The following TASOR variants were observed in gnomAD, a reference collection of about 807,000 sequenced individuals.
TASOR encodes the protein transcription activation suppressor.
A neutral mutation model predicts 178.6 loss-of-function variants in TASOR; 53 were observed. That is an observed-to-expected ratio of 0.30 (90% CI 0.24 to 0.37). TASOR has a LOEUF of 0.37. TASOR is among the 10% of genes least tolerant of loss of function. The probability of loss-of-function intolerance (pLI) is 1.00; values close to 1 mark genes in which losing one functional copy is unlikely to be tolerated. For synonymous variants in TASOR, 713 were observed against 696.2 expected, an observed-to-expected ratio of 1.02 and a Z score of -0.38; for missense variants, 1,815 against 1,971.4, an observed-to-expected ratio of 0.92 and a Z score of 1.50.
chr3:56,677,951 G>A (rs1289991521), intron 1 of TASOR, among the ~76,000 whole-genome samples: 3 of 152,078 alleles, frequency 2.0e-5, no homozygotes, highest in Non-Finnish European at 4.4e-5. Flanking sequence ...CCTGTCAGAA[G>A]AACAGCTAAG....
chr3:56,645,343 CAA>C (rs1201689356), intron 14 of TASOR, among the ~76,000 whole-genome samples: 1 of 152,086 alleles, frequency 6.6e-6, no homozygotes, highest in African/African-American at 2.4e-5. Flanking sequence ...TTGCTAAGAG[CAA>C]AAGTGTAAAA....
At chr3:56,637,601 A>G (rs1180106189) in intron 17 of TASOR, among the ~76,000 whole-genome samples, 3 of 149,574 alleles carry the variant, frequency 2.0e-5, no homozygotes, top group Admixed American at 6.7e-5. Flanking sequence ...TTTTTTAACC[A>G]CATTTTCCTA....
chr3:56,675,196 T>TG (rs1240490175), intron 1 of TASOR, among the ~76,000 whole-genome samples: 2 of 147,726 alleles, frequency 1.4e-5, no homozygotes, highest in Non-Finnish European at 3.0e-5. Flanking sequence ...TTTTTTGAGA[T>TG]GGAGTTTCGC....
At chr3:56,648,631 CAAAAAAAAAAAAAAA>C (rs56218279) in intron 13 of TASOR, among the ~76,000 whole-genome samples, 176 bp downstream of exon 13, 3 of 84,554 alleles carry the variant, frequency 3.5e-5, no homozygotes, top group South Asian at 9.1e-4. Context: ...AACTCTGTAT[CAAAAAAAAAAAAAAA>C]AAAAAAAAAA....
At chr3:56,657,451 T>C (rs1400031728) in intron 11 of TASOR, among the ~76,000 whole-genome samples, 1 of 151,936 alleles carries the variant, frequency 6.6e-6, no homozygotes, top group African/African-American at 2.4e-5. Context: ...TATACAAAAA[T>C]GTATATGATA....
At chr3:56,680,405 G>T (rs191007492) in intron 1 of TASOR, among the ~76,000 whole-genome samples, 1 of 152,028 alleles carries the variant, frequency 6.6e-6, no homozygotes, top group Non-Finnish European at 1.5e-5. Context: ...ACACTACTGG[G>T]AAGACCAAAA....
chr3:56,663,421 T>TATA, intron 8 of TASOR, 120 bp downstream of exon 8: 1 of 566,452 alleles, frequency 1.8e-6, no homozygotes. Flanking sequence ...GATGCTACAT[T>TATA]ATAACTTTTC....
In TASOR at chr3:56,673,704, G is replaced by A; in HGVS notation, c.353C>T (p.Pro118Leu). ...EKKALFQPLT[P>L]GSREFEDVVN... ...AACATCTTCAAATTCTCGAGAGCCT[G>A]GAGTTAATGGCTGGAAAAGTGCTAA... Residue 118 changes from proline (P) to leucine (L), a missense_variant, in exon 2 of 24, where the codon CCA becomes CTA. Pro to Leu is a moderately conservative substitution (Grantham distance 98). Coordinates refer to ENST00000683822, the MANE Select transcript of TASOR (RefSeq NM_001365635.2). 6.5e-7 allele frequency: 1 copy of A among 1,547,782 alleles called. No homozygotes were observed. The highest frequency in any genetic ancestry group is 8.7e-7 in the Non-Finnish European group (1 of 1,145,832).
Position 56,624,511 on chromosome 3 carries a change from A to C in TASOR, c.4451T>G (p.Leu1484Arg). 1 of 1,614,028 alleles carries C rather than the reference A, an allele frequency of 6.2e-7. No homozygotes were observed. Among genetic ancestry groups the C allele is most frequent in the Non-Finnish European group, 8.5e-7 (1 of 1,179,974 alleles). The stretch of plus-strand genomic sequence containing the variant: ...CGACTCAAGATTCTCATTAGCACCA[A>C]GCTGTGGAAGGTTTTCTTCTGTGAT... The part of the protein sequence containing the change: ...NSITEENLPQ[L>R]GANENLESQS... Residue 1484 changes from leucine to arginine, a missense_variant, in exon 23 of 24, where the codon CTT (leucine) becomes CGT (arginine). By Grantham distance (102) the Leu-to-Arg change is moderately radical (BLOSUM62 -2). Coordinates refer to ENST00000683822, the MANE Select transcript of TASOR (RefSeq NM_001365635.2).
chr3:56,669,606 C>A (rs1351118465), intron 5 of TASOR, 94 bp downstream of exon 5: 2 of 759,204 alleles, frequency 2.6e-6, no homozygotes, highest in East Asian at 2.9e-5. Context: ...CAAGCATGAA[C>A]TTTTAAACAA....
intron 18 of TASOR, among the ~76,000 whole-genome samples, chr3:56,631,232 T>A (rs1425958822): frequency 6.6e-6 from 1 of 152,134 alleles, no homozygotes; most frequent in African/African-American, 2.4e-5. Context: ...GTTCTTCAGG[T>A]CTTGACCAGG....
At chr3:56,634,099 T>C in intron 17 of TASOR, 133 bp from the exon 18 acceptor site, 1 of 742,034 alleles carries the variant, frequency 1.3e-6, no homozygotes, top group Non-Finnish European at 2.1e-6. Context: ...TAAAATAAAA[T>C]CCTAAAATTC....
chr3:56,681,831 A>G (rs191281357), intron 1 of TASOR, among the ~76,000 whole-genome samples: 45 of 152,334 alleles, frequency 3.0e-4, no homozygotes, highest in Admixed American at 2.1e-3. Flanking sequence ...AGATTTTTTA[A>G]AAGTACAAGT....
intron 2 of TASOR, among the ~76,000 whole-genome samples, chr3:56,672,297 T>G (rs2030811932): frequency 6.6e-6 from 1 of 152,196 alleles, no homozygotes; most frequent in Admixed American, 6.5e-5. Context: ...CTTTAATAAC[T>G]AATTTATCTT....
rs1251324368 is a variant in TASOR at position 56,621,576 on chromosome 3, T to C, written c.*1461A>G. ...AGGAGTTGGAAAGTAGTCTCCTGCC[T>C]TTAGCTGAAAATCAAGAAGAGAGTT... is the stretch of plus-strand genomic sequence containing the variant. On this transcript the variant is annotated 3_prime_UTR_variant, in exon 24 of 24. Coordinates refer to ENST00000683822, the MANE Select transcript of TASOR (RefSeq NM_001365635.2). 2 of 1,602,298 alleles carry C rather than the reference T, an allele frequency of 1.2e-6. No homozygotes were observed. Among genetic ancestry groups the C allele is most frequent in the African/African-American group, 2.7e-5 (2 of 74,496 alleles).
chr3:56,673,683 T>G lies in TASOR; in HGVS notation c.374A>C (p.Asp125Ala). 1 of 1,549,572 alleles carries G rather than the reference T, an allele frequency of 6.5e-7. No homozygotes were observed. The highest frequency in any genetic ancestry group is 8.7e-7 in the Non-Finnish European group (1 of 1,146,476). Residue 125 changes from aspartate (D) to alanine (A), a missense_variant, in exon 2 of 24, where the codon GAT becomes GCT. Transcript: ENST00000683822. ...PLTPGSREFE[D>A]VVNILHSSYL... ...AGAAGAATGGAGAATATTTACAACA[T>G]CTTCAAATTCTCGAGAGCCTGGAGT...
At chr3:56,644,187 T>C (rs1329155207) in intron 14 of TASOR, among the ~76,000 whole-genome samples, 1 of 152,236 alleles carries the variant, frequency 6.6e-6, no homozygotes, top group East Asian at 1.9e-4. Context: ...TTTGGTAAAG[T>C]TATTTAACTT....
chr3:56,677,820 C>T (rs947448451), intron 1 of TASOR, among the ~76,000 whole-genome samples: 1 of 152,160 alleles, frequency 6.6e-6, no homozygotes, highest in Non-Finnish European at 1.5e-5. Flanking sequence ...CCTCTAGAGA[C>T]AACAGGGCCA....
intron 7 of TASOR, 149 bp from the exon 8 acceptor site, chr3:56,663,721 A>G (rs2077648022): frequency 1.9e-6 from 2 of 1,067,990 alleles, no homozygotes; most frequent in Non-Finnish European, 2.3e-6. Flanking sequence ...TACTCATTAC[A>G]AAGTCTAGTA....
Sources: allele counts gnomAD v4.1 joint callset (sites outside exome capture counted in the v4.1 genomes callset), GRCh38; gene constraint gnomAD v4.1.1; transcripts MANE v1.5; gene names NCBI Gene and HGNC (gene_info 2026-07-23, HGNC 2026-07-21).